The following CLASP1 variants were observed in gnomAD, a reference collection of about 807,000 sequenced individuals.
CLASP1 encodes the protein CLIP-associating protein 1.
In CLASP1, 38 loss-of-function variants were observed where a neutral mutation model predicts 192.3. That is an observed-to-expected ratio of 0.20 (90% CI 0.15 to 0.26). CLASP1 has a LOEUF of 0.26. Ranked by LOEUF, CLASP1 falls within the 10% of genes least tolerant of loss-of-function variation. The probability of loss-of-function intolerance (pLI) is 1.00; values close to 1 mark genes in which losing one functional copy is unlikely to be tolerated. For synonymous variants in CLASP1, 691 were observed against 712.8 expected, an observed-to-expected ratio of 0.97 and a Z score of 0.49; for missense variants, 1,433 against 1,932.5, an observed-to-expected ratio of 0.74 and a Z score of 4.85.
At chr2:121,413,932 C>T (rs774015863) in intron 23 of CLASP1, among the ~76,000 whole-genome samples, 9 of 151,952 alleles carry the variant, frequency 5.9e-5, no homozygotes, top group South Asian at 2.1e-4. Flanking sequence ...ACTGGAGAAA[C>T]GATGTTGTCA....
intron 22 of CLASP1, among the ~76,000 whole-genome samples, chr2:121,423,732 C>T (rs975844835): frequency 1.3e-5 from 2 of 152,224 alleles, no homozygotes; most frequent in Non-Finnish European, 2.9e-5. Flanking sequence ...ACCCAAATAA[C>T]TTGTCAGCTA....
intron 4 of CLASP1, among the ~76,000 whole-genome samples, chr2:121,528,457 C>T (rs1013434776): frequency 2.6e-5 from 4 of 152,138 alleles, no homozygotes; most frequent in African/African-American, 7.2e-5. Flanking sequence ...AGATTCAATA[C>T]CCCCATGTTA....
chr2:121,573,618 T>C (rs1054575630), intron 2 of CLASP1, among the ~76,000 whole-genome samples: 3 of 152,298 alleles, frequency 2.0e-5, no homozygotes, highest in Admixed American at 6.5e-5. Context: ...CAAAAGCCAA[T>C]AGACACACAA....
chr2:121,454,632 A>G (rs1261587763), intron 14 of CLASP1, among the ~76,000 whole-genome samples: 1 of 152,222 alleles, frequency 6.6e-6, no homozygotes, highest in Non-Finnish European at 1.5e-5. Flanking sequence ...GCATGGTTGG[A>G]CAAGCTTGCT....
intron 2 of CLASP1, among the ~76,000 whole-genome samples, chr2:121,599,162 C>T (rs970140082): frequency 5.9e-5 from 9 of 151,874 alleles, no homozygotes; most frequent in East Asian, 1.9e-4. Flanking sequence ...TATACCTGGC[C>T]GTATTTTTTT....
chr2:121,575,289 T>A (rs1387062652), intron 2 of CLASP1, among the ~76,000 whole-genome samples: 1 of 151,914 alleles, frequency 6.6e-6, no homozygotes, highest in Non-Finnish European at 1.5e-5. Flanking sequence ...TTTTTTTTAG[T>A]AGAGACAGGG....
chr2:121,361,768 C>T (rs747892353), intron 37 of CLASP1, among the ~76,000 whole-genome samples: 3 of 152,106 alleles, frequency 2.0e-5, no homozygotes, highest in African/African-American at 4.8e-5. Context: ...CTGGTCTTCA[C>T]GTTTTTTAAA....
At chr2:121,555,755 A>G (rs2058488394) in intron 2 of CLASP1, among the ~76,000 whole-genome samples, 1 of 135,766 alleles carries the variant, frequency 7.4e-6, no homozygotes, top group Non-Finnish European at 1.5e-5. Context: ...ATCTTGGCTC[A>G]CTTGCAACCT....
intron 21 of CLASP1, 77 bp downstream of exon 21, chr2:121,427,327 T>C (rs2080583468): frequency 6.7e-7 from 1 of 1,488,988 alleles, no homozygotes; most frequent in Non-Finnish European, 9.2e-7. Context: ...GAAATTAATA[T>C]TGTGCAAGGA....
chr2:121,375,779 G>A (rs759238229), intron 34 of CLASP1, among the ~76,000 whole-genome samples: 5 of 152,184 alleles, frequency 3.3e-5, no homozygotes, highest in Non-Finnish European at 7.4e-5. Flanking sequence ...CCATGATCCT[G>A]TGCTTATCTG....
intron 1 of CLASP1, among the ~76,000 whole-genome samples, chr2:121,646,051 C>T (rs1412390557): frequency 6.6e-6 from 1 of 152,180 alleles, no homozygotes; most frequent in Admixed American, 6.5e-5. Context: ...AAACCAAAAA[C>T]TGTATCAGCG....
At chr2:121,649,215 A>G (rs1313754556) in intron 1 of CLASP1, among the ~76,000 whole-genome samples, 157 bp downstream of exon 1, 7 of 151,490 alleles carry the variant, frequency 4.6e-5, no homozygotes, top group Non-Finnish European at 1.0e-4. Context: ...CCAGGCTCCC[A>G]CCTCAGGGCC....
chr2:121,358,851 T>C (rs112368103), intron 37 of CLASP1, among the ~76,000 whole-genome samples: 145 of 152,344 alleles, frequency 9.5e-4, no homozygotes, highest in African/African-American at 3.3e-3. Context: ...ACCACGACCT[T>C]TGTGTGTGTA....
At chr2:121,487,603 A>C (rs535714110) in intron 8 of CLASP1, among the ~76,000 whole-genome samples, 1 of 152,268 alleles carries the variant, frequency 6.6e-6, no homozygotes, top group Admixed American at 6.5e-5. Flanking sequence ...GGGAGTTTAC[A>C]GAATATCTTT....
At chr2:121,361,286 C>G (rs532185068) in intron 37 of CLASP1, among the ~76,000 whole-genome samples, 2 of 152,230 alleles carry the variant, frequency 1.3e-5, no homozygotes, top group Non-Finnish European at 2.9e-5. Context: ...GGTTGTGCCA[C>G]TGCACTCCAG....
chr2:121,429,916 C>T (rs574371349), intron 20 of CLASP1, among the ~76,000 whole-genome samples, 157 bp downstream of exon 20: 61 of 152,294 alleles, frequency 4.0e-4, no homozygotes, highest in African/African-American at 1.4e-3. Flanking sequence ...ATTTTTTAAG[C>T]TTACCCAACA....
At chr2:121,450,951 T>G (rs1418626982) in exon 16 of CLASP1, 1 of 1,611,368 alleles carries the variant, frequency 6.2e-7, no homozygotes, top group African/African-American at 1.3e-5. Flanking sequence ...CAGCATCATG[T>G]ATTCCCTTCT....
chr2:121,367,648 A>G, exon 35 of CLASP1: 1 of 1,614,016 alleles, frequency 6.2e-7, no homozygotes, highest in Non-Finnish European at 8.5e-7. Context: ...GTCTTGTCGT[A>G]GGTGTTGATG....
At chr2:121,618,966 T>C (rs922357879) in intron 1 of CLASP1, among the ~76,000 whole-genome samples, 3 of 152,232 alleles carry the variant, frequency 2.0e-5, no homozygotes, top group African/African-American at 7.2e-5. Flanking sequence ...TGGATGGATA[T>C]ATAATTGTGT....
Sources: allele counts gnomAD v4.1 joint callset (sites outside exome capture counted in the v4.1 genomes callset), GRCh38; gene constraint gnomAD v4.1.1; transcripts MANE v1.5; gene names NCBI Gene and HGNC (gene_info 2026-07-23, HGNC 2026-07-21).